Variants in LPIN1 observed in about 807,000 individuals in gnomAD.
LPIN1 encodes lipin 1.
In LPIN1, 71 loss-of-function variants were observed where a neutral mutation model predicts 107.5. That is an observed-to-expected ratio of 0.66 (90% CI 0.55 to 0.80). The LOEUF (loss-of-function observed/expected upper bound fraction) is 0.80, where lower values mean the gene tolerates loss of function less well. Among genes scored for constraint, LPIN1 ranks in the 30% least tolerant of loss-of-function variants. The pLI, the probability that LPIN1 is intolerant of heterozygous loss-of-function variation, is 0.00. For missense variants in LPIN1, 1,043 were observed against 1,160.6 expected (o/e 0.90, Z 1.47); for synonymous variants, 445 against 452.6 (o/e 0.98, Z 0.21).
In LPIN1 at chr2:11,771,774, C is replaced by A. The variant is rs1304625129; in HGVS notation, c.596+95C>A. On this transcript the variant is annotated intron_variant, in intron 4 of 20. Transcript: ENST00000674199. The surrounding 1 kb of genome is among the most constrained non-coding windows in gnomAD (Gnocchi z 4.8). ...AACTTTTCCCCCATAATTCCTTATT[C>A]TTTTATGTGTTTTAGACCAGTGGTC... 1.5e-6 allele frequency: 2 copies of A among 1,330,686 alleles called. No individual in the cohort carries two copies. Among genetic ancestry groups the A allele is most frequent in the African/African-American group, 1.5e-5 (1 of 68,206 alleles). The allele number at this position is 1,330,686 out of a possible 1,614,324, so 82.4% of individuals were successfully genotyped here.
chr2:11,821,777 C>T (rs191444745), intron 20 of LPIN1, among the ~76,000 whole-genome samples: 1 of 152,254 alleles, frequency 6.6e-6, no homozygotes, highest in African/African-American at 2.4e-5. Flanking sequence ...TGGGGCTGCC[C>T]CACAAGACTC....
intron 4 of LPIN1, among the ~76,000 whole-genome samples, chr2:11,772,953 C>A (rs2148637250): frequency 6.6e-6 from 1 of 152,250 alleles, no homozygotes; most frequent in East Asian, 1.9e-4. Context: ...CTGTGACAGG[C>A]TTAGAACCAG....
At chr2:11,759,145 CTT>C (rs1341267434) in intron 1 of LPIN1, among the ~76,000 whole-genome samples, 10 of 130,060 alleles carry the variant, frequency 7.7e-5, no homozygotes, top group African/African-American at 2.8e-4. Flanking sequence ...TTCTTTCTTT[CTT>C]TCTTTCTTTC....
intron 11 of LPIN1, 61 bp downstream of exon 11, chr2:11,787,228 C>T: frequency 9.1e-7 from 1 of 1,100,662 alleles, no homozygotes; most frequent in Non-Finnish European, 1.4e-6. Flanking sequence ...TTCATGTTTT[C>T]AAATAGACCT....
At chr2:11,805,218 A>C in intron 17 of LPIN1, 62 bp downstream of exon 17, 4 of 1,266,366 alleles carry the variant, frequency 3.2e-6, no homozygotes, top group Non-Finnish European at 4.6e-6. Flanking sequence ...CGCACTCTGC[A>C]TATGGAATCT....
chr2:11,815,490 C>T (rs903338247), intron 18 of LPIN1, among the ~76,000 whole-genome samples: 1 of 152,180 alleles, frequency 6.6e-6, no homozygotes, highest in Admixed American at 6.5e-5. Context: ...CTCCCCTCCT[C>T]TCCAGGCGTG....
At chr2:11,768,611 C>T (rs1391100304) in intron 3 of LPIN1, among the ~76,000 whole-genome samples, 1 of 152,060 alleles carries the variant, frequency 6.6e-6, no homozygotes, top group Non-Finnish European at 1.5e-5. Flanking sequence ...TATCTATAGA[C>T]CATGTCCATT....
At chr2:11,713,815 G>C in intron 2 of LPIN1, 1 of 1,509,364 alleles carries the variant, frequency 6.6e-7, no homozygotes, top group Non-Finnish European at 8.9e-7. Flanking sequence ...ACATTAACGT[G>C]AGTGCCGCTG....
At chr2:11,687,615 T>C (rs1662074188) in intron 1 of LPIN1, among the ~76,000 whole-genome samples, 2 of 152,234 alleles carry the variant, frequency 1.3e-5, no homozygotes, top group African/African-American at 4.8e-5. Context: ...GTTCAGAGAA[T>C]CTGGCTCTAT....
At chr2:11,761,919 C>T (rs535165778) in intron 1 of LPIN1, among the ~76,000 whole-genome samples, 6 of 152,126 alleles carry the variant, frequency 3.9e-5, no homozygotes, top group Admixed American at 2.6e-4. Flanking sequence ...CTCCAGCTCT[C>T]GGAGCACACC....
chr2:11,808,885 A>AAG (rs1223146072), intron 17 of LPIN1, among the ~76,000 whole-genome samples: 23 of 118,422 alleles, frequency 1.9e-4, no homozygotes, highest in African/African-American at 5.7e-4. Flanking sequence ...AAAAAAAAAA[A>AAG]AGAGAGAGCG....
intron 1 of LPIN1, among the ~76,000 whole-genome samples, chr2:11,687,983 A>T (rs1662092236): frequency 6.6e-6 from 1 of 152,238 alleles, no homozygotes; most frequent in East Asian, 1.9e-4. Context: ...TGGCTGGGAC[A>T]TTGAAGGGGA....
intron 1 of LPIN1, among the ~76,000 whole-genome samples, chr2:11,734,646 A>T (rs1416289487): frequency 6.6e-6 from 1 of 152,178 alleles, no homozygotes; most frequent in Non-Finnish European, 1.5e-5. Flanking sequence ...GGAAGGTAGA[A>T]GATGGGGTGC....
At chr2:11,721,263 C>CGTGTGTGTGT (rs5829326), upstream of LPIN1, among the ~76,000 whole-genome samples, 523 of 129,880 alleles carry the variant, frequency 4.0e-3, 3 homozygotes, top group African/African-American at 8.8e-3. Flanking sequence ...GTACTGCATG[C>CGTGTGTGTGT]GTGTGTGTGT....
At chr2:11,740,501 C>T (rs536201673) in intron 1 of LPIN1, among the ~76,000 whole-genome samples, 7 of 151,710 alleles carry the variant, frequency 4.6e-5, no homozygotes, top group African/African-American at 1.2e-4. Flanking sequence ...AGCAACATGG[C>T]GAAACCCTGT....
At chr2:11,747,343 A>G (rs543776784) in intron 1 of LPIN1, among the ~76,000 whole-genome samples, 9 of 152,376 alleles carry the variant, frequency 5.9e-5, no homozygotes, top group African/African-American at 1.9e-4. Context: ...TATTATGGGC[A>G]AGGCCAGGAA....
chr2:11,700,020 G>A (rs1357411327), intron 1 of LPIN1, among the ~76,000 whole-genome samples: 1 of 152,202 alleles, frequency 6.6e-6, no homozygotes, highest in Non-Finnish European at 1.5e-5. Context: ...ACAGCCCTTG[G>A]CACATGGTAG....
At chr2:11,695,267 G>A (rs1478956041) in intron 1 of LPIN1, among the ~76,000 whole-genome samples, 2 of 152,198 alleles carry the variant, frequency 1.3e-5, no homozygotes, top group African/African-American at 4.8e-5. Flanking sequence ...CATGCCCAAG[G>A]CTAAAAGTGC....
chr2:11,793,937 A>G (rs1676224160), intron 13 of LPIN1, among the ~76,000 whole-genome samples: 1 of 152,212 alleles, frequency 6.6e-6, no homozygotes, highest in Non-Finnish European at 1.5e-5. Context: ...TGTTGAGGGC[A>G]CGCTGATTAC....
Sources: gnomAD v4.1 joint callset for allele counts (sites outside exome capture counted in the v4.1 genomes callset) on GRCh38, gnomAD v4.1.1 for gene constraint, Gnocchi (gnomAD v3.1) non-coding constraint, MANE v1.5 for transcripts, NCBI Gene and HGNC (gene_info 2026-07-23, HGNC 2026-07-21) for gene names.